The following VAV3 variants were observed in gnomAD, a reference collection of about 807,000 sequenced individuals.
VAV3 encodes vav guanine nucleotide exchange factor 3.
In VAV3, 94 loss-of-function variants were observed where a neutral mutation model predicts 131.2. That is an observed-to-expected ratio of 0.72 (90% confidence interval 0.61 to 0.85). The LOEUF (loss-of-function observed/expected upper bound fraction) is 0.85, where lower values mean the gene tolerates loss of function less well. Ranked by LOEUF, VAV3 falls within the 40% of genes least tolerant of loss-of-function variation. The pLI, the probability that VAV3 is intolerant of heterozygous loss-of-function variation, is 0.00. For synonymous variants in VAV3, 349 were observed against 342.0 expected, an observed-to-expected ratio of 1.02 and a Z score of -0.22; for missense variants, 939 against 1,002.7, an observed-to-expected ratio of 0.94 and a Z score of 0.86.
intron 20 of VAV3, among the ~76,000 whole-genome samples, chr1:107,618,342 C>T (rs574730113): frequency 1.3e-4 from 20 of 152,148 alleles, no homozygotes; most frequent in Non-Finnish European, 2.6e-4. Context: ...TGGATACTAC[C>T]GGTCTAAGAG....
chr1:107,611,686 T>C (rs969048578), intron 21 of VAV3, among the ~76,000 whole-genome samples: 1 of 151,568 alleles, frequency 6.6e-6, no homozygotes, highest in African/African-American at 2.4e-5. Flanking sequence ...TGGACTCCTT[T>C]GGCTGTTAAA....
chr1:107,765,887 T>G (rs942145096), intron 8 of VAV3, among the ~76,000 whole-genome samples: 1 of 152,218 alleles, frequency 6.6e-6, no homozygotes, highest in African/African-American at 2.4e-5. Flanking sequence ...TACTAGGAAA[T>G]ACGTTGCTTG....
chr1:107,726,253 AAAG>A lies in VAV3; in HGVS notation c.1503-21195_1503-21193del, dbSNP rs529501601. Among the ~76,000 whole-genome samples, 10 of 152,324 alleles carry A rather than the reference AAAG, an allele frequency of 6.6e-5. No individual in the cohort carries two copies. In the South Asian group the frequency reaches 2.1e-3, roughly 32 times the overall value. On this transcript the variant is annotated intron_variant, in intron 15 of 26. Transcript: ENST00000370056. ...AATCAATCAACCTATAAAAAGAAAG[AAAG>A]AAATTGCTCACAGAAGATAAACAAA...
chr1:107,954,093 T>C (rs1674682437), intron 1 of VAV3, among the ~76,000 whole-genome samples: 1 of 152,210 alleles, frequency 6.6e-6, no homozygotes, highest in Non-Finnish European at 1.5e-5. Flanking sequence ...GAATGTCAAC[T>C]TGTGACTGGC....
intron 1 of VAV3, among the ~76,000 whole-genome samples, chr1:107,880,752 C>A (rs914072678): frequency 3.3e-5 from 5 of 151,648 alleles, no homozygotes; most frequent in Non-Finnish European, 4.4e-5. Context: ...GCTGAGATCA[C>A]CCCACTGTAC....
At chr1:107,916,551 T>C (rs1672627950) in intron 1 of VAV3, among the ~76,000 whole-genome samples, 1 of 152,228 alleles carries the variant, frequency 6.6e-6, no homozygotes, top group Admixed American at 6.5e-5. Flanking sequence ...AGCTTTAAAA[T>C]ACCTATCAAG....
intron 25 of VAV3, among the ~76,000 whole-genome samples, chr1:107,581,188 C>G (rs1650023539): frequency 6.6e-6 from 1 of 152,214 alleles, no homozygotes; most frequent in Admixed American, 6.5e-5. Context: ...CATTTGCAAA[C>G]TGGATGCTTC....
intron 1 of VAV3, among the ~76,000 whole-genome samples, chr1:107,899,493 A>T (rs912634669): frequency 6.6e-6 from 1 of 152,178 alleles, no homozygotes; most frequent in African/African-American, 2.4e-5. Flanking sequence ...TGCATTGTGA[A>T]GGGCTACAAA....
intron 25 of VAV3, among the ~76,000 whole-genome samples, chr1:107,589,347 A>G (rs552516778): frequency 6.6e-6 from 1 of 152,354 alleles, no homozygotes; most frequent in African/African-American, 2.4e-5. Context: ...ACAGGTGTCC[A>G]TAAGAGAAAA....
intron 2 of VAV3, among the ~76,000 whole-genome samples, chr1:107,855,830 T>C (rs1433092432): frequency 1.3e-5 from 2 of 152,224 alleles, no homozygotes; most frequent in African/African-American, 4.8e-5. Flanking sequence ...CTCACAGCTC[T>C]TCCTTTGTGT....
intron 2 of VAV3, among the ~76,000 whole-genome samples, chr1:107,795,727 T>G: frequency 6.6e-6 from 1 of 152,232 alleles, no homozygotes; most frequent in East Asian, 1.9e-4. Flanking sequence ...CGTTAGGGCT[T>G]TAATAGTTTA....
intron 1 of VAV3, among the ~76,000 whole-genome samples, chr1:107,938,350 G>C (rs1006507786): frequency 1.3e-5 from 2 of 152,188 alleles, no homozygotes; most frequent in Non-Finnish European, 2.9e-5. Context: ...CCAAGAAGGC[G>C]AGAGGCAGGA....
At chr1:107,852,348 C>T (rs1238689211) in intron 2 of VAV3, among the ~76,000 whole-genome samples, 1 of 151,982 alleles carries the variant, frequency 6.6e-6, no homozygotes, top group Non-Finnish European at 1.5e-5. Context: ...AAATGAGTCT[C>T]CAATTAAGGA....
At chr1:107,594,703 G>A (rs367698311) in intron 25 of VAV3, among the ~76,000 whole-genome samples, 208 of 151,996 alleles carry the variant, frequency 1.4e-3, no homozygotes, top group Middle Eastern at 3.4e-3. Flanking sequence ...ATTCATTGCC[G>A]GGCTACATTC....
At chr1:107,875,090 G>C (rs1670433057) in intron 1 of VAV3, 73 bp from the exon 2 acceptor site, 1 of 1,256,316 alleles carries the variant, frequency 8.0e-7, no homozygotes, top group Non-Finnish European at 1.1e-6. Flanking sequence ...TAACACTCAA[G>C]ACTGCTCTAA....
chr1:107,749,316 T>C (rs1280326155), intron 14 of VAV3, 146 bp downstream of exon 14: 2 of 975,426 alleles, frequency 2.1e-6, no homozygotes, highest in Middle Eastern at 3.4e-4. Context: ...ATCCAGTTAT[T>C]TCTCACAAAG....
At chr1:107,690,237 C>T (rs1398001822) in intron 17 of VAV3, among the ~76,000 whole-genome samples, 1 of 152,172 alleles carries the variant, frequency 6.6e-6, no homozygotes, top group Non-Finnish European at 1.5e-5. Flanking sequence ...TTATTCATGG[C>T]ATAAAACCTA....
At chr1:107,925,048 C>G (rs1270329704) in intron 1 of VAV3, among the ~76,000 whole-genome samples, 1 of 151,966 alleles carries the variant, frequency 6.6e-6, no homozygotes, top group East Asian at 1.9e-4. Context: ...ATAAGATGAA[C>G]AAAATATTGC....
At chr1:107,640,343 T>G (rs1375259916) in intron 20 of VAV3, among the ~76,000 whole-genome samples, 1 of 152,258 alleles carries the variant, frequency 6.6e-6, no homozygotes, top group East Asian at 1.9e-4. Flanking sequence ...GATAATCATG[T>G]TGTGTGAAAT....
Sources: gnomAD v4.1 joint callset for allele counts (sites outside exome capture counted in the v4.1 genomes callset) on GRCh38, gnomAD v4.1.1 for gene constraint, MANE v1.5 for transcripts, NCBI Gene and HGNC (gene_info 2026-07-23, HGNC 2026-07-21) for gene names.